Variants in TSEN2 observed in about 807,000 individuals in gnomAD.
TSEN2 encodes the protein tRNA splicing endonuclease subunit 2.
A neutral mutation model predicts 59.2 loss-of-function variants in TSEN2; 54 were observed. That is an observed-to-expected ratio of 0.91 (90% CI 0.73 to 1.14). The LOEUF (loss-of-function observed/expected upper bound fraction) is 1.14, where lower values mean the gene tolerates loss of function less well. TSEN2 is among the 50% of genes most tolerant of loss of function. TSEN2 has a pLI of 0.00. For missense variants in TSEN2, 636 were observed against 576.2 expected (o/e 1.10, Z -1.06); for synonymous variants, 195 against 198.2 (o/e 0.98, Z 0.14).
chr3:12,537,762 T>C (rs2057708385), downstream of TSEN2, among the ~76,000 whole-genome samples: 1 of 152,186 alleles, frequency 6.6e-6, no homozygotes, highest in Non-Finnish European at 1.5e-5. Context: ...CCTTTTCATC[T>C]ATAAAAGAAG....
intron 5 of TSEN2, 147 bp downstream of exon 5, chr3:12,503,931 G>A: frequency 9.8e-7 from 1 of 1,022,718 alleles, no homozygotes; most frequent in Non-Finnish European, 1.4e-6. Flanking sequence ...GCAGCTGTGA[G>A]GGCCATTTCA....
At chr3:12,483,606 T>C (rs185921490), upstream of TSEN2, among the ~76,000 whole-genome samples, 196 of 152,240 alleles carry the variant, frequency 1.3e-3, no homozygotes, top group Non-Finnish European at 2.0e-3. Flanking sequence ...GGCAAGAACA[T>C]TGGCAGAAGT....
chr3:12,510,298 TCA>T (rs1232324208), intron 6 of TSEN2, among the ~76,000 whole-genome samples: 1 of 152,232 alleles, frequency 6.6e-6, no homozygotes, highest in Non-Finnish European at 1.5e-5. Context: ...TCACTCTGTG[TCA>T]CATTCTTTAA....
At chr3:12,488,651 G>T (rs954834071) in intron 1 of TSEN2, among the ~76,000 whole-genome samples, 3 of 152,094 alleles carry the variant, frequency 2.0e-5, no homozygotes, top group Non-Finnish European at 4.4e-5. Flanking sequence ...TGTCTCCTTG[G>T]ATCCAATGTA....
chr3:12,502,668 GTTTT>G (rs1254923551), intron 4 of TSEN2, among the ~76,000 whole-genome samples: 4 of 126,762 alleles, frequency 3.2e-5, no homozygotes, highest in Admixed American at 8.2e-5. Context: ...CTGGGGGTTA[GTTTT>G]TTTTGTTTTT....
intron 8 of TSEN2, among the ~76,000 whole-genome samples, chr3:12,527,238 A>G (rs2057155121): frequency 6.6e-6 from 1 of 152,216 alleles, no homozygotes; most frequent in South Asian, 2.1e-4. Context: ...AAATGTGACC[A>G]TGGAAAATAC....
chr3:12,493,885 T>C (rs1460005224), intron 3 of TSEN2, among the ~76,000 whole-genome samples: 4 of 152,264 alleles, frequency 2.6e-5, no homozygotes, highest in African/African-American at 4.8e-5. Flanking sequence ...TGGTATCTAT[T>C]TAAGAAACCG....
chr3:12,515,209 C>T (rs1425491050), intron 6 of TSEN2, among the ~76,000 whole-genome samples: 1 of 152,156 alleles, frequency 6.6e-6, no homozygotes, highest in Non-Finnish European at 1.5e-5. Flanking sequence ...GGAAGTCCTT[C>T]CACCTATATT....
At chr3:12,512,108 G>C (rs916069781) in intron 6 of TSEN2, among the ~76,000 whole-genome samples, 2 of 152,202 alleles carry the variant, frequency 1.3e-5, no homozygotes, top group Non-Finnish European at 2.9e-5. Context: ...TGAATGTAGT[G>C]TGATATGTGT....
chr3:12,505,306 C>T, intron 6 of TSEN2, 75 bp downstream of exon 6: 14 of 894,200 alleles, frequency 1.6e-5, no homozygotes, highest in Non-Finnish European at 2.7e-5. Context: ...ACCTACCTCA[C>T]AGTGTAGTTC....
At chr3:12,491,446 C>T (rs1220154092) in intron 2 of TSEN2, among the ~76,000 whole-genome samples, 1 of 152,152 alleles carries the variant, frequency 6.6e-6, no homozygotes. Context: ...TTCTGGAGTA[C>T]AAAAGAATCC....
chr3:12,534,569 G>A (rs1000587216), downstream of TSEN2, among the ~76,000 whole-genome samples: 14 of 152,206 alleles, frequency 9.2e-5, no homozygotes, highest in African/African-American at 2.9e-4. Flanking sequence ...TTGGGAGGCC[G>A]AGGTGGGTGG....
At chr3:12,506,608 G>A (rs1333369305) in intron 6 of TSEN2, 5 of 751,494 alleles carry the variant, frequency 6.7e-6, no homozygotes, top group Non-Finnish European at 8.1e-6. Flanking sequence ...GGCTAAAAGT[G>A]GCCTTCCATA....
chr3:12,530,029 C>A, intron 10 of TSEN2, 156 bp downstream of exon 10: 1 of 1,456,372 alleles, frequency 6.9e-7, no homozygotes, highest in Non-Finnish European at 9.0e-7. Context: ...TCGTACCCTT[C>A]CCTTATTGCG....
In TSEN2 at chr3:12,485,146, A is replaced by G. The variant is rs1236825884; in HGVS notation, c.-18+266A>G. 5.3e-5 allele frequency among the ~76,000 whole-genome samples: 8 copies of G among 152,348 alleles called. No individual in the cohort carries two copies. The South Asian group carries it at 1.7e-3, about 32-fold the overall frequency. On this transcript the variant is annotated intron_variant, in intron 1 of 11. Transcript: ENST00000284995. ...CTTTCATCCTTGCCTCCCTAAGCCCAGGAGGTGCGCAGATGGAGCTTGAAG... is the reference window on the plus strand; with the variant it reads ...CTTTCATCCTTGCCTCCCTAAGCCCGGGAGGTGCGCAGATGGAGCTTGAAG...
chr3:12,516,491 CT>C, intron 6 of TSEN2, 119 bp from the exon 7 acceptor site: 1 of 559,178 alleles, frequency 1.8e-6, no homozygotes, highest in Non-Finnish European at 3.3e-6. Flanking sequence ...TGTGTGTGAC[CT>C]TTTTGATGAT....
chr3:12,511,874 A>ATT (rs2055505148), intron 6 of TSEN2, among the ~76,000 whole-genome samples: 1 of 152,136 alleles, frequency 6.6e-6, no homozygotes, highest in Non-Finnish European at 1.5e-5. Context: ...GGTTTTATAT[A>ATT]TTTTTGAGAT....
intron 6 of TSEN2, among the ~76,000 whole-genome samples, chr3:12,513,759 A>G (rs151246996): frequency 1.8e-4 from 27 of 152,368 alleles, no homozygotes; most frequent in Non-Finnish European, 3.1e-4. Context: ...CATCTGAAAA[A>G]CAGCAGTATT....
In TSEN2 at chr3:12,484,541, C is replaced by T. The variant is rs896663103; in HGVS notation, c.-357C>T. The T allele has an allele frequency of 6.6e-6, 1 of 152,282 alleles. No individual in the cohort carries two copies. Among genetic ancestry groups the T allele is most frequent in the Non-Finnish European group, 1.5e-5 (1 of 68,074 alleles). The allele number at this position is 152,282 out of a possible 1,614,324, so 9.4% of individuals were successfully genotyped here. The stretch of plus-strand genomic sequence containing the variant: ...AGGTAAGGGCCCTGGGCGAGGAAAG[C>T]GCGGCCCTTTCCGAGTTTGGTGTTT... On this transcript the variant is annotated 5_prime_UTR_variant, in exon 1 of 12. Transcript: ENST00000284995.
Sources: allele counts gnomAD v4.1 joint callset (sites outside exome capture counted in the v4.1 genomes callset), GRCh38; gene constraint gnomAD v4.1.1; transcripts MANE v1.5; gene names NCBI Gene and HGNC (gene_info 2026-07-23, HGNC 2026-07-21).